The following DHRSX variants were observed in gnomAD, a reference collection of about 807,000 sequenced individuals.
DHRSX encodes polyprenol dehydrogenase.
A neutral mutation model predicts 34.0 loss-of-function variants in DHRSX; 31 were observed. That is an observed-to-expected ratio of 0.91 (90% CI 0.69 to 1.23). The LOEUF is 1.23. Ranked by LOEUF, DHRSX falls within the 50% of genes most tolerant of loss-of-function variation. The pLI is 0.00. For missense variants in DHRSX, 414 were observed against 428.1 expected (o/e 0.97, Z 0.29); for synonymous variants, 201 against 183.8 (o/e 1.09, Z -0.76).
chrX:2,236,278 C>T (rs1267089644), intron 6 of DHRSX, among the ~76,000 whole-genome samples: 2 of 152,048 alleles, frequency 1.3e-5, no homozygotes, highest in Admixed American at 6.6e-5. Context: ...GCCCTGTCTT[C>T]GGAGGTTTTG....
At chrX:2,246,748 G>GAAAGAAAGAAAGAAAGA (rs776138629) in intron 5 of DHRSX, among the ~76,000 whole-genome samples, 1 of 103,778 alleles carries the variant, frequency 9.6e-6, no homozygotes, top group Non-Finnish European at 2.3e-5. Context: ...AAGAAAGAAA[G>GAAAGAAAGAAAGAAAGA]AAAAAGAAAG....
intron 3 of DHRSX, among the ~76,000 whole-genome samples, chrX:2,291,872 C>T (rs191351714): frequency 6.6e-6 from 1 of 150,908 alleles, no homozygotes; most frequent in Non-Finnish European, 1.5e-5. Flanking sequence ...TGCCACCAGG[C>T]CCAGCTAATT....
At position 2,329,949 on chromosome X, in the gene DHRSX, A is replaced by G. The variant is rs1273748596; in HGVS notation, c.287-38346T>C. Among the ~76,000 whole-genome samples the G allele has an allele frequency of 2.0e-5, 3 of 151,840 alleles. 1 individual carries two copies. Among genetic ancestry groups the G allele is most frequent in the Admixed American group, 1.3e-4 (2 of 15,176 alleles). ...GGTATGTCAAGCTGCCAAGGATACA[A>G]AAGGTAAAACAATCCAAGGGCAACA... On this transcript the variant is annotated intron_variant, in intron 3 of 6. Coordinates refer to ENST00000334651, the MANE Select transcript of DHRSX (RefSeq NM_145177.3).
chrX:2,481,010 G>A (rs2044760468), intron 1 of DHRSX, among the ~76,000 whole-genome samples: 1 of 152,090 alleles, frequency 6.6e-6, no homozygotes, highest in Non-Finnish European at 1.5e-5. Flanking sequence ...TTAGGATTAT[G>A]TGAATATGTT....
At chrX:2,258,634 G>C (rs1467522848) in intron 5 of DHRSX, among the ~76,000 whole-genome samples, 2 of 152,136 alleles carry the variant, frequency 1.3e-5, no homozygotes, top group African/African-American at 2.4e-5. Context: ...ACTGTGGGAG[G>C]CTCAATGTCT....
intron 1 of DHRSX, among the ~76,000 whole-genome samples, chrX:2,469,358 A>G (rs978792067): frequency 7.9e-5 from 12 of 151,414 alleles, no homozygotes; most frequent in African/African-American, 2.7e-4. Context: ...TTCCCTAAAA[A>G]TGCAGCCAAG....
chrX:2,415,415 G>C (rs1397638851), intron 2 of DHRSX, among the ~76,000 whole-genome samples: 7 of 150,106 alleles, frequency 4.7e-5, no homozygotes, highest in Non-Finnish European at 1.0e-4. Flanking sequence ...CTCTCATCAT[G>C]ACAAACTCAA....
intron 1 of DHRSX, chrX:2,486,650 C>G (rs9577): frequency 0.26 from 38,969 of 152,150 alleles, 6,946 homozygotes; most frequent in African/African-American, 0.49. Flanking sequence ...GTGGGCTGCC[C>G]TGCGTCCCCG....
chrX:2,314,486 G>GAGGAAGGAAGGGAGGAAGGAAGGGAGGT (rs2042217865), intron 3 of DHRSX, among the ~76,000 whole-genome samples: 1 of 118,168 alleles, frequency 8.5e-6, no homozygotes, highest in African/African-American at 5.7e-5. Context: ...AGGAAGGAAG[G>GAGGAAGGAAGGGAGGAAGGAAGGGAGGT]AAGGGAGGTA....
chrX:2,425,543 G>A (rs1324902241), intron 1 of DHRSX, among the ~76,000 whole-genome samples: 1 of 152,136 alleles, frequency 6.6e-6, no homozygotes, highest in Non-Finnish European at 1.5e-5. Flanking sequence ...TCCCCTGTGA[G>A]TCCCTGGCAG....
At chrX:2,299,827 C>G (rs1275900743) in intron 3 of DHRSX, among the ~76,000 whole-genome samples, 1 of 149,926 alleles carries the variant, frequency 6.7e-6, no homozygotes, top group African/African-American at 2.5e-5. Flanking sequence ...TGCACTCCAG[C>G]CTGGGCGACA....
chrX:2,377,742 CTTT>C (rs745465210), intron 3 of DHRSX, among the ~76,000 whole-genome samples: 22 of 144,662 alleles, frequency 1.5e-4, no homozygotes, highest in African/African-American at 5.0e-4. Context: ...GCACACAATA[CTTT>C]TTTTTTTTTT....
intron 1 of DHRSX, among the ~76,000 whole-genome samples, chrX:2,452,962 G>T (rs1452421583): frequency 6.6e-6 from 1 of 152,168 alleles, no homozygotes; most frequent in Non-Finnish European, 1.5e-5. Context: ...CCAAGAGACG[G>T]AATAAACCCA....
At chrX:2,373,210 A>C (rs946056716) in intron 3 of DHRSX, among the ~76,000 whole-genome samples, 1 of 152,166 alleles carries the variant, frequency 6.6e-6, no homozygotes, top group Non-Finnish European at 1.5e-5. Flanking sequence ...CACCGCGCCC[A>C]TGATTCAATT....
intron 3 of DHRSX, among the ~76,000 whole-genome samples, chrX:2,400,958 C>T (rs2043478155): frequency 6.6e-6 from 1 of 152,160 alleles, no homozygotes. Context: ...ACCTTCTTGA[C>T]ACCCATCAAT....
intron 3 of DHRSX, among the ~76,000 whole-genome samples, chrX:2,294,326 G>A (rs2041904301): frequency 6.6e-6 from 1 of 151,934 alleles, no homozygotes; most frequent in Admixed American, 6.6e-5. Context: ...GGCAGATCAC[G>A]TGAGGTCAGG....
At chrX:2,478,403 C>T (rs2044713930) in intron 1 of DHRSX, among the ~76,000 whole-genome samples, 2 of 152,092 alleles carry the variant, frequency 1.3e-5, no homozygotes, top group South Asian at 4.1e-4. Context: ...ACATTCTGGC[C>T]AATGGACTGT....
intron 5 of DHRSX, among the ~76,000 whole-genome samples, chrX:2,254,974 T>C (rs1230417160): frequency 1.4e-5 from 2 of 146,900 alleles, no homozygotes. Context: ...CTTTTTTTTT[T>C]TTTGAGAGGG....
intron 1 of DHRSX, among the ~76,000 whole-genome samples, chrX:2,445,134 G>C (rs1221485152): frequency 6.6e-6 from 1 of 152,132 alleles, no homozygotes; most frequent in East Asian, 1.9e-4. Context: ...TCCAGCCTGG[G>C]CAACAAGAGT....
Sources: gnomAD v4.1 joint callset for allele counts (sites outside exome capture counted in the v4.1 genomes callset) on GRCh38, gnomAD v4.1.1 for gene constraint, MANE v1.5 for transcripts, NCBI Gene and HGNC (gene_info 2026-07-23, HGNC 2026-07-21) for gene names.